GLS2: variants seen among roughly 807,000 people sequenced by gnomAD.
GLS2 encodes the protein glutaminase liver isoform, mitochondrial.
Under a neutral mutation model 79.0 loss-of-function variants are expected in GLS2, and 52 were observed. The ratio of observed to expected loss-of-function variants is 0.66; its 90% CI spans 0.53 to 0.83. GLS2 has a LOEUF of 0.83. GLS2 is among the 40% of genes least tolerant of loss of function. The probability of loss-of-function intolerance (pLI) is 0.00; values close to 1 mark genes in which losing one functional copy is unlikely to be tolerated. For missense variants in GLS2, 561 were observed against 764.8 expected, an observed-to-expected ratio of 0.73 and a Z score of 3.14; for synonymous variants, 238 against 280.8, an observed-to-expected ratio of 0.85 and a Z score of 1.52.
rs1250848889 is a variant in GLS2, at chr12:56,474,666, C to T, written c.1102G>A (p.Ala368Thr). ...GTGATGGGGCAGATCCCACCGTTGG[C>T]GAGGGTGGCTGCCATGACACTGCCT... ...ESGSVMAATL[A>T]NGGICPITGE... Residue 368 changes from alanine to threonine, a missense_variant, in exon 12 of 18, where the codon GCC (alanine) becomes ACC (threonine). Around this residue, in one of 4 missense-constraint regions of GLS2, gnomAD observed 221 missense variants for 275.6 expected, o/e 0.80. Transcript: ENST00000311966. The T allele has an allele frequency of 7.4e-6, 12 of 1,613,206 alleles. No individual in the cohort carries two copies. The highest frequency in any genetic ancestry group is 4.0e-5 in the African/African-American group (3 of 74,932).
At chr12:56,477,433 G>A (rs1358851729) in intron 7 of GLS2, 1 of 434,954 alleles carries the variant, frequency 2.3e-6, no homozygotes, top group African/African-American at 2.0e-5. Context: ...ACTCATGGGT[G>A]GGGGCAGGGA....
At position 56,477,738 on chromosome 12, in the gene GLS2, C is replaced by G. The variant is rs757527543; in HGVS notation, c.779-20G>C. The G allele has an allele frequency of 1.5e-5, 24 of 1,607,276 alleles. No homozygotes were observed. The Middle Eastern group carries it at 5.0e-4, about 33-fold the overall frequency. On this transcript the variant is annotated intron_variant, in intron 6 of 17. Coordinates refer to ENST00000311966, the MANE Select transcript of GLS2 (RefSeq NM_013267.4). Reference sequence around the variant, plus strand: ...GGATTCCTGGGGAAATACAAACCACCAAGAGTCTTAGCCACTGAACAAAGC... The same window carrying G: ...GGATTCCTGGGGAAATACAAACCACGAAGAGTCTTAGCCACTGAACAAAGC...
At position 56,475,875 on chromosome 12, in the gene GLS2, C is replaced by T. The variant is rs959815797; in HGVS notation, c.870+70G>A. Reference sequence around the variant, plus strand: ...ACCTGGTAGTGGGGTTAGAGAGCCACTGGGGCAGCTGGAGAGGACAGCATG... The same window carrying T: ...ACCTGGTAGTGGGGTTAGAGAGCCATTGGGGCAGCTGGAGAGGACAGCATG... On this transcript the variant is annotated intron_variant, in intron 8 of 17. Transcript: ENST00000311966. The T allele has an allele frequency of 9.0e-6, 14 of 1,555,902 alleles. 1 individual carries two copies. In the South Asian group the frequency reaches 1.4e-4, roughly 16 times the overall value.
rs1869943066 is a variant in GLS2 at position 56,477,699 on chromosome 12, CAT to C, written c.796_797del (p.Met266GlyfsTer17). ...LNEEGIPHNPMVNAGAIVVSS... is the reference protein window; with the variant it reads ...LNEEGIPHNPXVNAGAIVVSS... ...TGACAACAATGGCACCAGCATTGAC[CAT>C]GGGGTTATGGGGGATTCCTGGGGAA... On this transcript the variant is annotated frameshift_variant, in exon 7 of 18. Transcript: ENST00000311966. LOFTEE classifies it high-confidence loss of function. 6.2e-7 allele frequency: 1 copy of C among 1,613,362 alleles called. No homozygotes were observed. The highest frequency in any genetic ancestry group is 1.3e-5 in the African/African-American group (1 of 74,854).
chr12:56,476,485 G>A (rs1438725239), intron 7 of GLS2: 1 of 161,766 alleles, frequency 6.2e-6, no homozygotes, highest in African/African-American at 2.4e-5. Flanking sequence ...CCAGCATGAT[G>A]GTTCATGCCT....
intron 17 of GLS2, 62 bp downstream of exon 17, chr12:56,471,711 G>T: frequency 6.2e-7 from 1 of 1,611,338 alleles, no homozygotes; most frequent in Non-Finnish European, 8.5e-7. Context: ...TATTTGCATG[G>T]TGGCTGGAGG....
chr12:56,473,472 GCT>G lies in GLS2; in HGVS notation c.1345_1346del (p.Ser449LeufsTer15). On this transcript the variant is annotated frameshift_variant, in exon 13 of 18. Transcript: ENST00000311966. LOFTEE classifies it high-confidence loss of function. ...DKLGNSHRGT[S>X]FCQKLVSLFN... is the part of the protein sequence containing the mutation. ...ATGCAAAGCATCTCACCTGGCAGAAGCTGGTCCCCCTATGGCTGTTCCCCAGC... is the reference window on the plus strand; with the variant it reads ...ATGCAAAGCATCTCACCTGGCAGAAGGGTCCCCCTATGGCTGTTCCCCAGC... 6.2e-7 allele frequency: 1 copy of G among 1,611,584 alleles called. No homozygotes were observed. The highest frequency in any genetic ancestry group is 8.5e-7 in the Non-Finnish European group (1 of 1,178,534).
At chr12:56,486,220 G>C (rs1439547925) in intron 1 of GLS2, among the ~76,000 whole-genome samples, 1 of 152,054 alleles carries the variant, frequency 6.6e-6, no homozygotes, top group Non-Finnish European at 1.5e-5. Flanking sequence ...ACCAGTCCGA[G>C]GATATGATAG....
chr12:56,476,364 A>C, intron 7 of GLS2: 3 of 223,784 alleles, frequency 1.3e-5, no homozygotes, highest in Non-Finnish European at 1.8e-5. Flanking sequence ...CTCATCCCTG[A>C]CTCCCACGTT....
intron 1 of GLS2, among the ~76,000 whole-genome samples, chr12:56,486,014 CA>C (rs11414489): frequency 6.9e-4 from 65 of 93,698 alleles, no homozygotes; most frequent in African/African-American, 2.5e-3. Context: ...ACTCTGTCTC[CA>C]AAAAAAAAAA....
chr12:56,488,159 T>C lies in GLS2; in HGVS notation c.-41A>G. ...CGGCTCTGCAGGTGCGCCCGGGACC[T>C]CTAGCTGTGGCTGGGAAGGAGGGGC... On this transcript the variant is annotated 5_prime_UTR_variant, in exon 1 of 18. Coordinates refer to ENST00000311966, the MANE Select transcript of GLS2 (RefSeq NM_013267.4). 6.7e-7 allele frequency: 1 copy of C among 1,499,238 alleles called. No homozygotes were observed. Among genetic ancestry groups the C allele is most frequent in the Non-Finnish European group, 8.8e-7 (1 of 1,134,556 alleles). 92.9% of individuals were successfully genotyped at this position (1,499,238 alleles called of 1,614,324 possible). A position where few individuals can be genotyped will look rare whatever the true frequency, so the allele number is the denominator to read the frequency against.
intron 1 of GLS2, among the ~76,000 whole-genome samples, chr12:56,482,060 G>A (rs377354455): frequency 3.3e-5 from 5 of 152,094 alleles, no homozygotes; most frequent in Admixed American, 6.5e-5. Context: ...GTAAAACCCC[G>A]TCTCTACTAA....
At chr12:56,483,370 C>T (rs1276966294) in intron 1 of GLS2, among the ~76,000 whole-genome samples, 1 of 152,014 alleles carries the variant, frequency 6.6e-6, no homozygotes, top group African/African-American at 2.4e-5. Context: ...TGAGCCACCG[C>T]GCCCGGCCCT....
rs148023449 is a variant in GLS2, at chr12:56,487,605, A to C, written c.182+332T>G. On this transcript the variant is annotated intron_variant, in intron 1 of 17. Coordinates refer to ENST00000311966, the MANE Select transcript of GLS2 (RefSeq NM_013267.4). Reference sequence around the variant, plus strand: ...CTAAAATACACACGAGGACTAGGGAAGGTGAGGACTGGCGGCGTGAGCCCG... The same window carrying C: ...CTAAAATACACACGAGGACTAGGGACGGTGAGGACTGGCGGCGTGAGCCCG... 257 of 398,408 alleles carry C rather than the reference A, an allele frequency of 6.5e-4. 1 individual carries two copies. Among genetic ancestry groups the C allele is most frequent in the African/African-American group, 4.7e-3 (223 of 47,274 alleles). The allele number at this position is 398,408 out of a possible 1,614,324, so 24.7% of individuals were successfully genotyped here. A position where few individuals can be genotyped will look rare whatever the true frequency, so the allele number is the denominator to read the frequency against.
At chr12:56,475,452 T>G (rs1039606223) in intron 9 of GLS2, 172 bp downstream of exon 9, 1 of 727,544 alleles carries the variant, frequency 1.4e-6, no homozygotes, top group Non-Finnish European at 2.2e-6. Flanking sequence ...AACAAATTAT[T>G]TTACAAGATA....
rs183695999 is a variant in GLS2, at chr12:56,473,505, C to T, written c.1314G>A (p.Leu438=). The T allele has an allele frequency of 6.2e-7, 1 of 1,613,950 alleles. No individual in the cohort carries two copies. Among genetic ancestry groups the T allele is most frequent in the Admixed American group, 1.7e-5 (1 of 60,010 alleles). ...VMGMMCLSPP[L]DKLGNSHRGT... ...CCCTATGGCTGTTCCCCAGCTTGTC[C>T]AATGGGGGTGACAGGCACATCATTC... The change falls in exon 13 of 18, where the codon TTG becomes TTA. Residue 438 remains leucine (L), a synonymous_variant. Transcript: ENST00000311966.
In GLS2 at chr12:56,479,911, A is replaced by G; in HGVS notation, c.283-10T>C. On this transcript the variant is annotated splice_polypyrimidine_tract_variant and intron_variant, in intron 2 of 17. Transcript: ENST00000311966. ...CAGTGGCCTTTAGTGCCTTTAGAGG[A>G]AAGAAGAGGCCAGAAAGGTCAGCTA... The G allele has an allele frequency of 6.2e-7, 1 of 1,611,590 alleles. No individual in the cohort carries two copies. Among genetic ancestry groups the G allele is most frequent in the East Asian group, 2.2e-5 (1 of 44,848 alleles).
At chr12:56,484,222 A>G (rs558432449) in intron 1 of GLS2, among the ~76,000 whole-genome samples, 33 of 152,280 alleles carry the variant, frequency 2.2e-4, no homozygotes, top group Admixed American at 1.0e-3. Context: ...GTGAGCTGAG[A>G]TTACGCCACT....
At chr12:56,478,150 C>A in intron 5 of GLS2, 33 bp downstream of exon 5, 2 of 1,614,144 alleles carry the variant, frequency 1.2e-6, no homozygotes, top group Non-Finnish European at 8.5e-7. Context: ...GCACCTGTGC[C>A]CTGCCTCCCC....
Sources: allele counts gnomAD v4.1 joint callset (sites outside exome capture counted in the v4.1 genomes callset), GRCh38; gene constraint gnomAD v4.1.1; regional missense constraint gnomAD v4.1.1; transcripts MANE v1.5; gene names NCBI Gene and HGNC (gene_info 2026-07-23, HGNC 2026-07-21).